CDK12: variants seen among roughly 807,000 people sequenced by gnomAD.
CDK12 encodes cyclin dependent kinase 12.
Under a neutral mutation model 133.8 loss-of-function variants are expected in CDK12, and 17 were observed. That is an observed-to-expected ratio of 0.13 (90% confidence interval 0.09 to 0.19). The LOEUF (loss-of-function observed/expected upper bound fraction) is 0.19, where lower values mean the gene tolerates loss of function less well. CDK12 is among the 10% of genes least tolerant of loss of function. The pLI is 1.00. For missense variants in CDK12, 1,508 were observed against 1,818.7 expected (o/e 0.83, Z 3.11); for synonymous variants, 694 against 683.6 (o/e 1.02, Z -0.24).
At chr17:39,470,297 T>G (rs2049694982) in intron 1 of CDK12, among the ~76,000 whole-genome samples, 1 of 151,946 alleles carries the variant, frequency 6.6e-6, no homozygotes. Flanking sequence ...ATTTTTTGTA[T>G]TTTTTAGTAG....
Position 39,462,348 on chromosome 17 carries a change from C to G in CDK12, c.277C>G (p.Arg93Gly), listed in dbSNP as rs2144863514. ...FSDDMAFKLDRRENDERRGSD... is the reference protein window; with the variant it reads ...FSDDMAFKLDGRENDERRGSD... ...CGATGACATGGCCTTCAAACTAGAC[C>G]GAAGGGAGAACGACGAACGTCGTGG... is the stretch of plus-strand genomic sequence containing the variant. The change falls in exon 1 of 14, where the codon CGA (arginine) becomes GGA (glycine). Residue 93 changes from arginine (R) to glycine (G), a missense_variant. Arg to Gly is a moderately radical substitution (Grantham distance 125). Coordinates refer to ENST00000447079, the MANE Select transcript of CDK12 (RefSeq NM_016507.4). 1.2e-6 allele frequency: 2 copies of G among 1,614,138 alleles called. No homozygotes were observed. Among genetic ancestry groups the G allele is most frequent in the Non-Finnish European group, 8.5e-7 (1 of 1,180,030 alleles).
intron 7 of CDK12, among the ~76,000 whole-genome samples, chr17:39,511,156 A>C (rs2053480515): frequency 6.8e-6 from 1 of 147,000 alleles, no homozygotes; most frequent in Admixed American, 6.9e-5. Context: ...CGGAGCTTGC[A>C]ATGAGCCAAG....
At position 39,501,344 on chromosome 17, in the gene CDK12, G is replaced by A. The variant is rs772491726; in HGVS notation, c.2514G>A (p.Ser838=). 2.9e-5 allele frequency: 47 copies of A among 1,613,346 alleles called. No individual in the cohort carries two copies. Among genetic ancestry groups the A allele is most frequent in the East Asian group, 4.5e-5 (2 of 44,858 alleles). The stretch of plus-strand genomic sequence containing the variant: ...ACTTTTCTGAGGACCATATCAAGTC[G>A]TTCATGAAACAGCTAATGGAAGGAT... The part of the protein sequence containing the change: ...LVHFSEDHIK[S]FMKQLMEGLE... Residue 838 remains serine, a synonymous_variant, in exon 6 of 14, where the codon TCG becomes TCA. Transcript: ENST00000447079.
intron 11 of CDK12, among the ~76,000 whole-genome samples, chr17:39,520,405 T>C (rs1361091226): frequency 3.3e-5 from 5 of 152,160 alleles, no homozygotes; most frequent in Non-Finnish European, 7.3e-5. Context: ...TATTTATTTA[T>C]TTATTTATTT....
At chr17:39,498,930 TC>T (rs1598061264) in intron 5 of CDK12, among the ~76,000 whole-genome samples, 2 of 6 alleles carry the variant, frequency 0.33, 1 homozygote, top group Non-Finnish European at 0.5. Context: ...TTTCTTTCTT[TC>T]TTTCTTTCTT....
intron 3 of CDK12, among the ~76,000 whole-genome samples, chr17:39,564,603 C>G (rs1256975382): frequency 6.6e-6 from 1 of 152,200 alleles, no homozygotes; most frequent in Admixed American, 6.5e-5. Flanking sequence ...TCCTCTGGTA[C>G]CTTGTCCTCT....
intron 4 of CDK12, 55 bp downstream of exon 4, chr17:39,492,945 A>G: frequency 1.4e-6 from 2 of 1,432,166 alleles, no homozygotes; most frequent in Non-Finnish European, 9.6e-7. Context: ...TAGCAATACT[A>G]ATATCTTAAG....
chr17:39,530,796 A>G lies in CDK12; in HGVS notation c.3953A>G (p.His1318Arg), dbSNP rs151051059. 1.2e-6 allele frequency: 2 copies of G among 1,614,066 alleles called. No homozygotes were observed. The highest frequency in any genetic ancestry group is 1.7e-6 in the Non-Finnish European group (2 of 1,180,048). Residue 1318 changes from histidine (H) to arginine (R), a missense_variant, in exon 14 of 14, where the codon CAT (histidine) becomes CGT (arginine). Physicochemically the swap from His to Arg is conservative, Grantham distance 29. Around this residue, in one of 9 missense-constraint regions of CDK12, gnomAD observed 399 missense variants for 469.6 expected, o/e 0.85. Coordinates refer to ENST00000447079, the MANE Select transcript of CDK12 (RefSeq NM_016507.4). ...PEAEPPGHLP[H>R]EHQALRPMEY... ...GCAGAGCCTCCTGGCCACCTGCCAC[A>G]TGAGCACCAGGCCTTGAGACCAATG...
At chr17:39,480,497 A>G (rs1409472637) in intron 2 of CDK12, among the ~76,000 whole-genome samples, 1 of 151,834 alleles carries the variant, frequency 6.6e-6, no homozygotes, top group Non-Finnish European at 1.5e-5. Flanking sequence ...GCTGGAGTGC[A>G]ATGGTGCGAT....
downstream of CDK12, among the ~76,000 whole-genome samples, chr17:39,537,544 T>C (rs2055187320): frequency 1.4e-5 from 2 of 145,960 alleles, no homozygotes; most frequent in South Asian, 2.1e-4. Flanking sequence ...TAATTCCTTA[T>C]TTTTATTTAT....
intron 1 of CDK12, among the ~76,000 whole-genome samples, chr17:39,466,747 A>C (rs901607964): frequency 7.9e-5 from 12 of 151,824 alleles, no homozygotes; most frequent in Non-Finnish European, 1.8e-4. Context: ...GTAGCATGCA[A>C]ATATAAACAT....
At chr17:39,544,260 G>A (rs947434138), upstream of CDK12, 11 of 486,692 alleles carry the variant, frequency 2.3e-5, no homozygotes, top group African/African-American at 9.8e-5. Context: ...TAGGAGCAAC[G>A]GTGGGAATGC....
At chr17:39,466,624 A>G (rs2049336081) in intron 1 of CDK12, among the ~76,000 whole-genome samples, 1 of 94,230 alleles carries the variant, frequency 1.1e-5, no homozygotes, top group Non-Finnish European at 2.0e-5. Context: ...TGAAAAAAAA[A>G]AAAAAAAAAA....
chr17:39,548,345 C>G (rs2055811350), upstream of CDK12, among the ~76,000 whole-genome samples: 1 of 152,220 alleles, frequency 6.6e-6, no homozygotes, highest in African/African-American at 2.4e-5. Flanking sequence ...GAAGCCCCCT[C>G]TTTCCAGGCA....
At chr17:39,475,649 G>T (rs1161149938) in intron 2 of CDK12, among the ~76,000 whole-genome samples, 2 of 149,272 alleles carry the variant, frequency 1.3e-5, no homozygotes, top group Non-Finnish European at 3.0e-5. Flanking sequence ...AGGTTCAGGC[G>T]ATTCTTCTAC....
intron 2 of CDK12, among the ~76,000 whole-genome samples, chr17:39,554,416 C>T (rs1382205495): frequency 6.6e-6 from 1 of 152,106 alleles, no homozygotes; most frequent in Non-Finnish European, 1.5e-5. Flanking sequence ...TTCCTCCTCC[C>T]TTGTGTGCCA....
At chr17:39,565,413 C>T (rs201617858), downstream of CDK12, among the ~76,000 whole-genome samples, 1 of 144,746 alleles carries the variant, frequency 6.9e-6, no homozygotes, top group African/African-American at 2.6e-5. Flanking sequence ...CGCACCCAGC[C>T]TGTTTGTTTG....
rs556386319 is a variant in CDK12 at position 39,481,248 on chromosome 17, C to T, written c.1932-9309C>T. 1.6e-4 allele frequency among the ~76,000 whole-genome samples: 20 copies of T among 128,154 alleles called. No individual in the cohort carries two copies. In the East Asian group the frequency reaches 2.0e-3, roughly 13 times the overall value. 84.1% of individuals were successfully genotyped at this position (128,154 alleles called of 152,430 possible). ...AGCCTGGGCAACAAGAGCGAAACTC[C>T]GTCTCAAAAAAAAAAAGAAAAAAAA... On this transcript the variant is annotated intron_variant, in intron 2 of 13. Transcript: ENST00000447079.
intron 12 of CDK12, 82 bp downstream of exon 12, chr17:39,524,967 T>G (rs2054407127): frequency 8.2e-7 from 1 of 1,220,596 alleles, no homozygotes; most frequent in Non-Finnish European, 1.1e-6. Context: ...AGTTTGTGTG[T>G]GTGTCTGTTT....
Sources: gnomAD v4.1 joint callset for allele counts (sites outside exome capture counted in the v4.1 genomes callset) on GRCh38, gnomAD v4.1.1 for gene constraint, gnomAD v4.1.1 regional missense constraint, MANE v1.5 for transcripts, NCBI Gene and HGNC (gene_info 2026-07-23, HGNC 2026-07-21) for gene names.